Variants in NPAS2 observed in about 807,000 individuals in gnomAD.
The protein encoded by NPAS2 is neuronal PAS domain-containing protein 2.
In NPAS2, 23 loss-of-function variants were observed where a neutral mutation model predicts 107.5. The observed-to-expected ratio is 0.21, with a 90% CI of 0.15 to 0.30. The LOEUF is 0.30. Among genes scored for constraint, NPAS2 ranks in the 10% least tolerant of loss-of-function variants. The pLI is 1.00. For missense variants in NPAS2, 756 were observed against 1,043.3 expected (o/e 0.72, Z 3.79); for synonymous variants, 403 against 417.5 (o/e 0.97, Z 0.42).
In NPAS2 at chr2:100,968,477, G is replaced by C; in HGVS notation, c.1055+49G>C. 1 of 1,593,206 alleles carries C rather than the reference G, an allele frequency of 6.3e-7. No individual in the cohort carries two copies. Among genetic ancestry groups the C allele is most frequent in the South Asian group, 1.1e-5 (1 of 89,996 alleles). On this transcript the variant is annotated intron_variant, in intron 11 of 20. Coordinates refer to ENST00000335681, the MANE Select transcript of NPAS2 (RefSeq NM_002518.4). This position sits in a 1 kb window ranked among gnomAD's most constrained non-coding sequence, Gnocchi z 5.3. ...GGCTGCGTCCTTGTCGCACCTGGGG[G>C]AGGGGTGCAGGATGGCGTGGCCCCT...
At position 100,968,532 on chromosome 2, in the gene NPAS2, G is replaced by T; in HGVS notation, c.1055+104G>T. 9.0e-7 allele frequency: 1 copy of T among 1,112,620 alleles called. No individual in the cohort carries two copies. Among genetic ancestry groups the T allele is most frequent in the Non-Finnish European group, 1.3e-6 (1 of 775,018 alleles). 68.9% of individuals were successfully genotyped at this position (1,112,620 alleles called of 1,614,324 possible). On this transcript the variant is annotated intron_variant, in intron 11 of 20. Coordinates refer to ENST00000335681, the MANE Select transcript of NPAS2 (RefSeq NM_002518.4). The surrounding 1 kb of genome is among the most constrained non-coding windows in gnomAD (Gnocchi z 5.3). The stretch of plus-strand genomic sequence containing the variant: ...GCCAAGTCAGATCAGCAGTCACTCA[G>T]GTGTTCCCCATTTCGAAGATGAAGC...
Position 100,995,525 on chromosome 2 carries a change from TC to T in NPAS2, c.2422del (p.Arg808GlufsTer30), listed in dbSNP as rs1208032807. ...PPAQPQPLRP[P>X]RRVSSLSESS... ...CAGCACAGCCCCAGCCCCTACGTCC[TC>T]CCCGAAGGGTCAGCAGTCTGTCTGA... On this transcript the variant is annotated frameshift_variant, in exon 21 of 21. Transcript: ENST00000335681. LOFTEE classifies it high-confidence loss of function. 1 of 1,597,234 alleles carries T rather than the reference TC, an allele frequency of 6.3e-7. No individual in the cohort carries two copies. Among genetic ancestry groups the T allele is most frequent in the Non-Finnish European group, 8.5e-7 (1 of 1,169,992 alleles).
In NPAS2 at chr2:100,881,730, T is replaced by C. The variant is rs530059863; in HGVS notation, c.-22-23003T>C. Among the ~76,000 whole-genome samples the C allele has an allele frequency of 2.3e-3, 347 of 152,054 alleles. 3 individuals are homozygous for C. Among genetic ancestry groups the C allele is most frequent in the African/African-American group, 8.2e-3 (340 of 41,446 alleles). On this transcript the variant is annotated intron_variant, in intron 1 of 20. Coordinates refer to ENST00000335681, the MANE Select transcript of NPAS2 (RefSeq NM_002518.4). ...CTGTCGATCTTTATTTACAAGACAC[T>C]TCGAGGTGCTTTTCCTCATTTTATC...
intron 19 of NPAS2, 96 bp from the exon 20 acceptor site, chr2:100,993,251 C>A: frequency 7.9e-7 from 1 of 1,270,852 alleles, no homozygotes; most frequent in South Asian, 1.5e-5. Flanking sequence ...CTTATGAAGT[C>A]CAACTTATTT....
chr2:100,818,926 T>C (rs922513915), upstream of NPAS2, among the ~76,000 whole-genome samples: 1 of 152,166 alleles, frequency 6.6e-6, no homozygotes, highest in Non-Finnish European at 1.5e-5. Flanking sequence ...CCGGCCACGT[T>C]TCCGGACCTC....
chr2:100,905,954 G>A (rs573257127), intron 2 of NPAS2, among the ~76,000 whole-genome samples: 191 of 152,290 alleles, frequency 1.3e-3, no homozygotes, highest in African/African-American at 4.4e-3. Flanking sequence ...CATAAGGGGA[G>A]TCTGGGTTGT....
At chr2:100,995,298 G>A (rs994796229) in intron 20 of NPAS2, 102 bp from the exon 21 acceptor site, 1 of 1,049,228 alleles carries the variant, frequency 9.5e-7, no homozygotes. Context: ...AGACAGCCCT[G>A]TAGTCTAACT....
intron 5 of NPAS2, among the ~76,000 whole-genome samples, chr2:100,938,925 G>T (rs1283727194): frequency 6.6e-6 from 1 of 152,152 alleles, no homozygotes; most frequent in Non-Finnish European, 1.5e-5. Context: ...TGGATAGGTG[G>T]CCAGTTTATG....
At chr2:100,863,964 C>T (rs1049735381) in intron 1 of NPAS2, among the ~76,000 whole-genome samples, 2 of 152,204 alleles carry the variant, frequency 1.3e-5, no homozygotes, top group African/African-American at 4.8e-5. Context: ...CCAAACACAA[C>T]TCAGCACTTA....
rs1488052062 is a variant in NPAS2, at chr2:100,820,656, G to C, written c.-23+242G>C. On this transcript the variant is annotated intron_variant, in intron 1 of 20. Transcript: ENST00000335681. This position sits in a 1 kb window ranked among gnomAD's most constrained non-coding sequence, Gnocchi z 5.6. ...AGGAGGTAGCAATCGCTGGGCCGGT[G>C]GGCTCCGGGCGCGTCTCGACGCAGA... 6.6e-6 allele frequency among the ~76,000 whole-genome samples: 1 copy of C among 152,128 alleles called. No individual in the cohort carries two copies. The highest frequency in any genetic ancestry group is 1.5e-5 in the Non-Finnish European group (1 of 67,998).
chr2:100,931,748 T>G (rs2104935881), intron 3 of NPAS2, among the ~76,000 whole-genome samples: 1 of 152,204 alleles, frequency 6.6e-6, no homozygotes, highest in East Asian at 1.9e-4. Flanking sequence ...CCTCCCAAAC[T>G]GCTGGGATTA....
intron 14 of NPAS2, among the ~76,000 whole-genome samples, chr2:100,975,968 A>T (rs182609414): frequency 6.6e-6 from 1 of 152,280 alleles, no homozygotes; most frequent in Non-Finnish European, 1.5e-5. Flanking sequence ...CATATCAGGT[A>T]GCGTCCCCAA....
At chr2:100,860,509 G>T (rs72627422) in intron 1 of NPAS2, among the ~76,000 whole-genome samples, 10,285 of 152,206 alleles carry the variant, frequency 0.068, 726 homozygotes, top group East Asian at 0.34. Flanking sequence ...ACTAGTTTTA[G>T]TATCCATTGA....
chr2:100,931,763 C>T (rs1047109901), intron 3 of NPAS2, among the ~76,000 whole-genome samples: 2 of 152,028 alleles, frequency 1.3e-5, no homozygotes, highest in African/African-American at 2.4e-5. Flanking sequence ...GGATTACAGG[C>T]GTGAGCCACC....
chr2:100,965,881 G>T lies in NPAS2; in HGVS notation c.907+115G>T, dbSNP rs559089492. The T allele has an allele frequency of 5.9e-6, 4 of 678,040 alleles. No homozygotes were observed. In the South Asian group the frequency reaches 7.3e-5, roughly 12 times the overall value. The allele number at this position is 678,040 out of a possible 1,614,324, so 42.0% of individuals were successfully genotyped here. On this transcript the variant is annotated intron_variant, in intron 10 of 20. Coordinates refer to ENST00000335681, the MANE Select transcript of NPAS2 (RefSeq NM_002518.4). The surrounding 1 kb of genome is among the most constrained non-coding windows in gnomAD (Gnocchi z 4.3). Reference sequence around the variant, plus strand: ...GCTCGTTACCTGGTTTCTTTTTAAGGTGAGGAACTTGGTTTTCTCTGAGAT... The same window carrying T: ...GCTCGTTACCTGGTTTCTTTTTAAGTTGAGGAACTTGGTTTTCTCTGAGAT...
At chr2:100,888,122 C>T (rs1257573241) in intron 1 of NPAS2, among the ~76,000 whole-genome samples, 1 of 152,224 alleles carries the variant, frequency 6.6e-6, no homozygotes, top group Non-Finnish European at 1.5e-5. Flanking sequence ...CATATTCAGC[C>T]TCTCCCGAAG....
At chr2:100,834,680 T>TTTTTC (rs141665392) in intron 1 of NPAS2, among the ~76,000 whole-genome samples, 1 of 151,918 alleles carries the variant, frequency 6.6e-6, no homozygotes, top group Non-Finnish European at 1.5e-5. Context: ...CCCTTTATCA[T>TTTTTC]TTTTCTTTTC....
chr2:100,951,430 A>T (rs1165535248), intron 7 of NPAS2, among the ~76,000 whole-genome samples: 1 of 152,190 alleles, frequency 6.6e-6, no homozygotes, highest in Non-Finnish European at 1.5e-5. Flanking sequence ...GGTGGAAGCA[A>T]CCCACGTGTC....
At chr2:100,881,829 C>T (rs1680366409) in intron 1 of NPAS2, among the ~76,000 whole-genome samples, 1 of 152,244 alleles carries the variant, frequency 6.6e-6, no homozygotes. Context: ...TCACTCACTC[C>T]ACATGCCACG....
Sources: allele counts gnomAD v4.1 joint callset (sites outside exome capture counted in the v4.1 genomes callset), GRCh38; gene constraint gnomAD v4.1.1; non-coding constraint Gnocchi (gnomAD v3.1); transcripts MANE v1.5; gene names NCBI Gene and HGNC (gene_info 2026-07-23, HGNC 2026-07-21).